Variants in DPYD observed in about 807,000 individuals in gnomAD.
The protein encoded by DPYD is dihydropyrimidine dehydrogenase [NADP(+)].
Under a neutral mutation model 116.2 loss-of-function variants are expected in DPYD, and 109 were observed. That is an observed-to-expected ratio of 0.94 (90% CI 0.80 to 1.10). DPYD has a LOEUF of 1.10. Among genes scored for constraint, DPYD ranks in the 50% least tolerant of loss-of-function variants. DPYD has a pLI of 0.00. For synonymous variants in DPYD, 440 were observed against 432.0 expected (o/e 1.02, Z -0.23); for missense variants, 1,302 against 1,254.5 (o/e 1.04, Z -0.57).
intron 12 of DPYD, among the ~76,000 whole-genome samples, chr1:97,543,737 GTA>G (rs1650621230): frequency 1.3e-5 from 2 of 152,020 alleles, no homozygotes; most frequent in Admixed American, 6.6e-5. Context: ...CTCCTTAAAT[GTA>G]TTTAAGATAA....
At chr1:97,718,076 T>C (rs566219687) in intron 5 of DPYD, among the ~76,000 whole-genome samples, 22 of 152,144 alleles carry the variant, frequency 1.4e-4, no homozygotes, top group Non-Finnish European at 2.9e-4. Flanking sequence ...ACTAGTTTAC[T>C]TCCCACCAGC....
At chr1:97,921,047 G>A, upstream of DPYD, 3 of 1,267,974 alleles carry the variant, frequency 2.4e-6, no homozygotes, top group Non-Finnish European at 2.2e-6. Context: ...GGCCGGCGGC[G>A]CGGGGGCGGA....
intron 21 of DPYD, among the ~76,000 whole-genome samples, chr1:97,093,331 G>C (rs1650017529): frequency 6.6e-6 from 1 of 151,936 alleles, no homozygotes; most frequent in African/African-American, 2.4e-5. Context: ...AAAATACATA[G>C]GCTTCTTCAA....
At chr1:97,889,519 A>G (rs1448519955) in intron 1 of DPYD, among the ~76,000 whole-genome samples, 1 of 152,076 alleles carries the variant, frequency 6.6e-6, no homozygotes, top group Non-Finnish European at 1.5e-5. Flanking sequence ...AATTTACTAG[A>G]AATAAAGAGG....
chr1:97,323,253 CTT>C (rs1491543141), intron 16 of DPYD, among the ~76,000 whole-genome samples: 6 of 49,698 alleles, frequency 1.2e-4, no homozygotes, highest in African/African-American at 3.1e-4. Flanking sequence ...CATTTATATA[CTT>C]ATATACATAT....
intron 20 of DPYD, among the ~76,000 whole-genome samples, chr1:97,104,307 C>T (rs1212668932): frequency 6.6e-6 from 1 of 151,940 alleles, no homozygotes; most frequent in Non-Finnish European, 1.5e-5. Context: ...CAATTACTTT[C>T]AGAAACAAAT....
chr1:97,839,120 T>G (rs1571446420), intron 2 of DPYD, among the ~76,000 whole-genome samples: 1 of 152,168 alleles, frequency 6.6e-6, no homozygotes, highest in Non-Finnish European at 1.5e-5. Context: ...CCAAAACCAC[T>G]TCCTTTAAAA....
At chr1:97,294,359 C>A (rs1666392110) in intron 18 of DPYD, among the ~76,000 whole-genome samples, 1 of 151,670 alleles carries the variant, frequency 6.6e-6, no homozygotes, top group Non-Finnish European at 1.5e-5. Flanking sequence ...GTGTGAGCTC[C>A]TTTTTCACTT....
chr1:97,222,900 C>A (rs1402294831), intron 19 of DPYD, among the ~76,000 whole-genome samples: 1 of 151,694 alleles, frequency 6.6e-6, no homozygotes, highest in Non-Finnish European at 1.5e-5. Context: ...CATTTGTTAC[C>A]CTCTGGCCTG....
intron 20 of DPYD, among the ~76,000 whole-genome samples, chr1:97,177,248 T>C (rs569741230): frequency 2.0e-5 from 3 of 152,208 alleles, no homozygotes; most frequent in East Asian, 1.9e-4. Context: ...AAAGAAATAA[T>C]AGAGAAATAT....
At chr1:97,762,908 G>A (rs1484174782) in intron 3 of DPYD, among the ~76,000 whole-genome samples, 2 of 151,978 alleles carry the variant, frequency 1.3e-5, no homozygotes, top group Admixed American at 1.3e-4. Context: ...CGTCACAACT[G>A]CTGTGAGCCT....
At chr1:97,216,290 A>AT (rs1553235301) in intron 19 of DPYD, among the ~76,000 whole-genome samples, 1 of 63,840 alleles carries the variant, frequency 1.6e-5, no homozygotes, top group East Asian at 7.7e-3. Context: ...AAGCTTTCGA[A>AT]TTTTTTTTTT....
At chr1:97,863,160 C>T (rs981448993) in intron 2 of DPYD, among the ~76,000 whole-genome samples, 5 of 151,790 alleles carry the variant, frequency 3.3e-5, no homozygotes, top group Non-Finnish European at 7.4e-5. Context: ...GCATTGAGGG[C>T]ATCCAGCAGA....
chr1:97,769,996 G>A (rs1180614280), intron 3 of DPYD, among the ~76,000 whole-genome samples: 2 of 152,142 alleles, frequency 1.3e-5, no homozygotes, highest in African/African-American at 4.8e-5. Context: ...TTTTGCATAG[G>A]AAGCCAGTAT....
chr1:97,330,899 T>C (rs1416648551), intron 16 of DPYD, among the ~76,000 whole-genome samples: 3 of 152,204 alleles, frequency 2.0e-5, no homozygotes, highest in East Asian at 1.9e-4. Context: ...AATCATAATA[T>C]TGGTACATGA....
intron 18 of DPYD, among the ~76,000 whole-genome samples, chr1:97,273,736 T>A (rs903148701): frequency 6.6e-6 from 1 of 152,206 alleles, no homozygotes; most frequent in Admixed American, 6.5e-5. Flanking sequence ...TTCTCTTTCT[T>A]GCATGAGTTC....
At chr1:97,185,855 T>G (rs1657959161) in intron 20 of DPYD, among the ~76,000 whole-genome samples, 1 of 152,182 alleles carries the variant, frequency 6.6e-6, no homozygotes, top group African/African-American at 2.4e-5. Context: ...ACAAGGCAGC[T>G]TCTAAGGTGT....
intron 14 of DPYD, among the ~76,000 whole-genome samples, chr1:97,383,910 C>T (rs1260463068): frequency 6.6e-6 from 1 of 152,054 alleles, no homozygotes; most frequent in African/African-American, 2.4e-5. Context: ...AAATTCATGA[C>T]CAACCTGGGA....
At chr1:97,715,136 TTA>T (rs1269717431) in intron 5 of DPYD, among the ~76,000 whole-genome samples, 1 of 152,150 alleles carries the variant, frequency 6.6e-6, no homozygotes, top group African/African-American at 2.4e-5. Flanking sequence ...ACTTTGATTC[TTA>T]GTTTCCTTAT....
Sources: gnomAD v4.1 joint callset for allele counts (sites outside exome capture counted in the v4.1 genomes callset) on GRCh38, gnomAD v4.1.1 for gene constraint, MANE v1.5 for transcripts, NCBI Gene and HGNC (gene_info 2026-07-23, HGNC 2026-07-21) for gene names.